Variants in STX18 observed in about 807,000 individuals in gnomAD.
STX18 encodes syntaxin 18.
Under a neutral mutation model 50.1 loss-of-function variants are expected in STX18, and 40 were observed. That is an observed-to-expected ratio of 0.80 (90% confidence interval 0.62 to 1.04). The LOEUF (loss-of-function observed/expected upper bound fraction) is 1.04. Ranked by LOEUF, STX18 falls within the 50% of genes least tolerant of loss-of-function variation. STX18 has a pLI of 0.00. For missense variants in STX18, 410 were observed against 415.8 expected (o/e 0.99, Z 0.12); for synonymous variants, 158 against 151.8 (o/e 1.04, Z -0.30).
intron 1 of STX18, among the ~76,000 whole-genome samples, chr4:4,475,002 G>T (rs879746542): frequency 6.6e-6 from 1 of 152,154 alleles, no homozygotes; most frequent in Admixed American, 6.5e-5. Flanking sequence ...AAGCCATAAA[G>T]TTTTCCATAC....
intron 1 of STX18, among the ~76,000 whole-genome samples, chr4:4,540,698 T>C (rs571067818): frequency 1.3e-5 from 2 of 152,304 alleles, no homozygotes; most frequent in African/African-American, 2.4e-5. Context: ...GGTCAGAAGG[T>C]AGGTGCTTCA....
rs191429398 is a variant in STX18 at position 4,465,962 on chromosome 4, T to A, written c.236+5677A>T. ...AGGCACTCAATAAATAACTGCAGAA[T>A]GAATAAGCTGATTAATGAATCAAAT... is the stretch of plus-strand genomic sequence containing the variant. On this transcript the variant is annotated intron_variant, in intron 2 of 10. Coordinates refer to ENST00000306200, the MANE Select transcript of STX18 (RefSeq NM_016930.4). 2.0e-4 allele frequency among the ~76,000 whole-genome samples: 30 copies of A among 152,310 alleles called. 1 individual carries two copies. The East Asian group carries it at 5.2e-3, about 26-fold the overall frequency.
In STX18 at chr4:4,465,273, C is replaced by G. The variant is rs141133628; in HGVS notation, c.237-5786G>C. On this transcript the variant is annotated intron_variant, in intron 2 of 10. Transcript: ENST00000306200. ...TCTACCCAAAGGGATACAAATCATTCTATTATAAAGACACATGGACAAGTA... is the reference window on the plus strand; with the variant it reads ...TCTACCCAAAGGGATACAAATCATTGTATTATAAAGACACATGGACAAGTA... Among the ~76,000 whole-genome samples the G allele has an allele frequency of 2.1e-3, 324 of 152,250 alleles. 6 individuals carry two copies. Among genetic ancestry groups the G allele is most frequent in the East Asian group, 0.011 (58 of 5,180 alleles).
intron 1 of STX18, among the ~76,000 whole-genome samples, chr4:4,501,540 AG>A (rs1729461116): frequency 6.6e-6 from 1 of 152,252 alleles, no homozygotes; most frequent in South Asian, 2.1e-4. Flanking sequence ...CTGGAAAATG[AG>A]GGGAGTCACA....
At chr4:4,513,111 T>A (rs971296249) in intron 1 of STX18, among the ~76,000 whole-genome samples, 1 of 152,170 alleles carries the variant, frequency 6.6e-6, no homozygotes, top group Non-Finnish European at 1.5e-5. Context: ...ATTTTAAGAC[T>A]TCCCAGAGAA....
intron 2 of STX18, among the ~76,000 whole-genome samples, chr4:4,462,976 G>A (rs1466009446): frequency 6.6e-6 from 1 of 152,226 alleles, no homozygotes; most frequent in Non-Finnish European, 1.5e-5. Context: ...TTTGCTGTTT[G>A]AGTATAATAA....
chr4:4,523,388 C>A (rs1472494214), intron 1 of STX18, among the ~76,000 whole-genome samples: 2 of 152,178 alleles, frequency 1.3e-5, no homozygotes, highest in Non-Finnish European at 2.9e-5. Context: ...TCTCCATTTA[C>A]ATTCTGATGT....
chr4:4,505,199 T>C (rs1729644154), intron 1 of STX18, among the ~76,000 whole-genome samples: 1 of 152,172 alleles, frequency 6.6e-6, no homozygotes, highest in South Asian at 2.1e-4. Flanking sequence ...TCCCAATAAA[T>C]CCATAATAAA....
chr4:4,510,697 T>A (rs1018304843), intron 1 of STX18, among the ~76,000 whole-genome samples: 1 of 152,190 alleles, frequency 6.6e-6, no homozygotes, highest in East Asian at 1.9e-4. Context: ...TAAAGACACA[T>A]GCACATGTAT....
intron 2 of STX18, among the ~76,000 whole-genome samples, chr4:4,462,155 C>T (rs1727412898): frequency 6.6e-6 from 1 of 152,066 alleles, no homozygotes; most frequent in Admixed American, 6.5e-5. Flanking sequence ...ACTCCTGCCT[C>T]CATTTCTTTC....
chr4:4,420,768 C>T lies in STX18; in HGVS notation c.912+96G>A. The T allele has an allele frequency of 1.5e-5, 17 of 1,151,298 alleles. No homozygotes were observed. Among genetic ancestry groups the T allele is most frequent in the Non-Finnish European group, 2.2e-5 (17 of 768,118 alleles). The allele number at this position is 1,151,298 out of a possible 1,614,324, so 71.3% of individuals were successfully genotyped here. On this transcript the variant is annotated intron_variant, in intron 10 of 10. Transcript: ENST00000306200. The surrounding 1 kb of genome is among the most constrained non-coding windows in gnomAD (Gnocchi z 4.3). ...GATCAGCCCCGTGAGCTCTGCCCAGCAAGGCTCCTGGGCAGCTGTGCCGGC... is the reference window on the plus strand; with the variant it reads ...GATCAGCCCCGTGAGCTCTGCCCAGTAAGGCTCCTGGGCAGCTGTGCCGGC...
At chr4:4,460,742 G>GTTCTATTA (rs1727334327) in intron 2 of STX18, among the ~76,000 whole-genome samples, 1 of 152,142 alleles carries the variant, frequency 6.6e-6, no homozygotes, top group African/African-American at 2.4e-5. Context: ...TTAGGATCTT[G>GTTCTATTA]TTCTATTAGT....
chr4:4,442,615 T>C (rs1166615333), intron 5 of STX18, among the ~76,000 whole-genome samples: 1 of 151,952 alleles, frequency 6.6e-6, no homozygotes, highest in Admixed American at 6.6e-5. Flanking sequence ...AGAGTCCGTA[T>C]CAAAACAAAA....
At chr4:4,509,451 A>G (rs1351950207) in intron 1 of STX18, among the ~76,000 whole-genome samples, 1 of 151,206 alleles carries the variant, frequency 6.6e-6, no homozygotes, top group Non-Finnish European at 1.5e-5. Flanking sequence ...TGGACTCTGG[A>G]TATTAGACCC....
At chr4:4,498,152 G>C (rs987271490) in intron 1 of STX18, among the ~76,000 whole-genome samples, 2 of 152,158 alleles carry the variant, frequency 1.3e-5, no homozygotes, top group Non-Finnish European at 2.9e-5. Flanking sequence ...GACACTCAGT[G>C]CATACTGTTT....
chr4:4,478,334 A>G (rs902006579), intron 1 of STX18, among the ~76,000 whole-genome samples: 1 of 152,082 alleles, frequency 6.6e-6, no homozygotes, highest in Non-Finnish European at 1.5e-5. Context: ...TGGCAAGCCC[A>G]TAGGGGTATT....
At chr4:4,499,263 C>A (rs1458389620) in intron 1 of STX18, among the ~76,000 whole-genome samples, 1 of 152,150 alleles carries the variant, frequency 6.6e-6, no homozygotes, top group Non-Finnish European at 1.5e-5. Context: ...ATGAGACCAA[C>A]TGAAATCAAT....
intron 1 of STX18, among the ~76,000 whole-genome samples, chr4:4,539,907 C>G (rs1030401604): frequency 6.6e-6 from 1 of 152,170 alleles, no homozygotes; most frequent in African/African-American, 2.4e-5. Flanking sequence ...CCAAATCCCC[C>G]CTTTCCCTGA....
In STX18 at chr4:4,420,802, C is replaced by A; in HGVS notation, c.912+62G>T. 1 of 1,464,958 alleles carries A rather than the reference C, an allele frequency of 6.8e-7. No individual in the cohort carries two copies. The highest frequency in any genetic ancestry group is 2.3e-5 in the East Asian group (1 of 44,078). 90.7% of individuals were successfully genotyped at this position (1,464,958 alleles called of 1,614,324 possible). ...TGGGCAGCTGTGCCGGCGAGACTAACACCCGCTGCTGGGACTCAGTGCTGC... is the reference window on the plus strand; with the variant it reads ...TGGGCAGCTGTGCCGGCGAGACTAAAACCCGCTGCTGGGACTCAGTGCTGC... On this transcript the variant is annotated intron_variant, in intron 10 of 10. Coordinates refer to ENST00000306200, the MANE Select transcript of STX18 (RefSeq NM_016930.4). This position sits in a 1 kb window ranked among gnomAD's most constrained non-coding sequence, Gnocchi z 4.3.
Sources: gnomAD v4.1 joint callset for allele counts (sites outside exome capture counted in the v4.1 genomes callset) on GRCh38, gnomAD v4.1.1 for gene constraint, Gnocchi (gnomAD v3.1) non-coding constraint, MANE v1.5 for transcripts, NCBI Gene and HGNC (gene_info 2026-07-23, HGNC 2026-07-21) for gene names.